Variants in COLEC11 observed in about 807,000 individuals in gnomAD.
The protein encoded by COLEC11 is collectin subfamily member 11, also known as collectin-11.
COLEC11 carries 20 observed loss-of-function variants against 27.3 expected under a neutral mutation model. That is an observed-to-expected ratio of 0.73 (90% CI 0.51 to 1.06). COLEC11 has a LOEUF of 1.06. COLEC11 is among the 50% of genes least tolerant of loss of function. The pLI is 0.00. For missense variants in COLEC11, 310 were observed against 383.0 expected (o/e 0.81, Z 1.59); for synonymous variants, 163 against 154.7 (o/e 1.05, Z -0.40).
intron 2 of COLEC11, 25 bp downstream of exon 2, chr2:3,604,495 T>C (rs369193856): frequency 1.7e-4 from 276 of 1,613,118 alleles, no homozygotes; most frequent in Non-Finnish European, 2.2e-4. Flanking sequence ...GACTCTGGGC[T>C]GCTGGGCAGT....
intron 3 of COLEC11, chr2:3,625,944 G>A: frequency 1.4e-6 from 2 of 1,450,872 alleles, no homozygotes; most frequent in Non-Finnish European, 9.6e-7. Flanking sequence ...ACTTTGCAAA[G>A]TTATTTAACA....
intron 3 of COLEC11, among the ~76,000 whole-genome samples, chr2:3,622,094 G>A (rs778977614): frequency 5.9e-5 from 9 of 151,710 alleles, no homozygotes; most frequent in Non-Finnish European, 1.2e-4. Context: ...GCTTGAACCC[G>A]GGAGGTGGAG....
At chr2:3,632,141 C>G (rs1009218865) in intron 3 of COLEC11, among the ~76,000 whole-genome samples, 1 of 152,228 alleles carries the variant, frequency 6.6e-6, no homozygotes, top group African/African-American at 2.4e-5. Context: ...GACAGGGAAA[C>G]TGAGGCTTAC....
chr2:3,636,386 TGG>T (rs1331321712), intron 3 of COLEC11, among the ~76,000 whole-genome samples: 2 of 151,860 alleles, frequency 1.3e-5, no homozygotes, highest in African/African-American at 4.8e-5. Context: ...ACCCGGGAGG[TGG>T]AGCTTGCAGT....
In COLEC11 at chr2:3,604,554, G is replaced by A. The variant is rs898554330; in HGVS notation, c.130+84G>A. 7.4e-6 allele frequency: 11 copies of A among 1,482,226 alleles called. No homozygotes were observed. The African/African-American group carries it at 1.1e-4, about 15-fold the overall frequency. The allele number at this position is 1,482,226 out of a possible 1,614,324, so 91.8% of individuals were successfully genotyped here. On this transcript the variant is annotated intron_variant, in intron 2 of 6. Coordinates refer to ENST00000349077, the MANE Select transcript of COLEC11 (RefSeq NM_024027.5). Reference sequence around the variant, plus strand: ...TCCCATGCAACTGCGCAGTTCCACGGAAAAGCACAAAGCCCCAGCAAATCT... The same window carrying A: ...TCCCATGCAACTGCGCAGTTCCACGAAAAAGCACAAAGCCCCAGCAAATCT...
At position 3,641,398 on chromosome 2, in the gene COLEC11, C is replaced by T. The variant is rs541628377; in HGVS notation, c.328+1067C>T. On this transcript the variant is annotated intron_variant, in intron 5 of 6. Transcript: ENST00000349077. ...AGGCACTCAGCCAACCTGAGGGGCCCGGACAAAGCCTCTGGGAGACAGAAG... is the reference window on the plus strand; with the variant it reads ...AGGCACTCAGCCAACCTGAGGGGCCTGGACAAAGCCTCTGGGAGACAGAAG... 14 of 1,297,358 alleles carry T rather than the reference C, an allele frequency of 1.1e-5. No homozygotes were observed. The East Asian group carries it at 3.3e-4, about 31-fold the overall frequency. The allele number at this position is 1,297,358 out of a possible 1,614,324, so 80.4% of individuals were successfully genotyped here. A position where few individuals can be genotyped will look rare whatever the true frequency, so the allele number is the denominator to read the frequency against.
intron 5 of COLEC11, among the ~76,000 whole-genome samples, chr2:3,643,203 C>T (rs567362027): frequency 6.6e-6 from 1 of 152,336 alleles, no homozygotes; most frequent in Non-Finnish European, 1.5e-5. Flanking sequence ...ACCTCCATTT[C>T]TCTTCCCCCT....
At chr2:3,610,171 C>G (rs1229158404) in intron 2 of COLEC11, among the ~76,000 whole-genome samples, 1 of 152,214 alleles carries the variant, frequency 6.6e-6, no homozygotes, top group African/African-American at 2.4e-5. Flanking sequence ...GCCAGCACAT[C>G]CCAGCTTGGA....
intron 3 of COLEC11, among the ~76,000 whole-genome samples, chr2:3,615,984 G>A (rs1361813204): frequency 1.3e-5 from 2 of 150,110 alleles, no homozygotes; most frequent in Admixed American, 6.6e-5. Context: ...TGGGTGGAGG[G>A]GCTCCTCACT....
intron 3 of COLEC11, among the ~76,000 whole-genome samples, chr2:3,630,198 G>A (rs1486665762): frequency 6.6e-6 from 1 of 152,134 alleles, no homozygotes; most frequent in Non-Finnish European, 1.5e-5. Context: ...TATGTGTATA[G>A]TATGTATGTG....
At chr2:3,604,525 A>G (rs926130376) in intron 2 of COLEC11, 55 bp downstream of exon 2, 1 of 1,590,906 alleles carries the variant, frequency 6.3e-7, no homozygotes, top group African/African-American at 1.3e-5. Flanking sequence ...GCCAGCTGAG[A>G]GACTCCCATG....
At chr2:3,605,754 A>G in intron 2 of COLEC11, 1 of 237,260 alleles carries the variant, frequency 4.2e-6, no homozygotes, top group Non-Finnish European at 8.3e-6. Context: ...CCCATGATCA[A>G]AACAGTCACC....
intron 1 of COLEC11, among the ~76,000 whole-genome samples, chr2:3,598,165 A>G (rs887971797): frequency 2.0e-5 from 3 of 152,032 alleles, no homozygotes; most frequent in Non-Finnish European, 4.4e-5. Context: ...CGAACTCCTG[A>G]CCTCAGGTGA....
At chr2:3,624,529 A>G (rs914077435) in intron 3 of COLEC11, among the ~76,000 whole-genome samples, 1 of 152,186 alleles carries the variant, frequency 6.6e-6, no homozygotes, top group African/African-American at 2.4e-5. Flanking sequence ...GGGAGCTGGA[A>G]GCTCACTTAC....
At chr2:3,624,612 C>T (rs890582526) in intron 3 of COLEC11, among the ~76,000 whole-genome samples, 8 of 152,184 alleles carry the variant, frequency 5.3e-5, no homozygotes, top group Non-Finnish European at 8.8e-5. Context: ...CTGTGTTGCT[C>T]AGCTCACAGT....
intron 3 of COLEC11, chr2:3,625,940 C>T: frequency 8.4e-6 from 12 of 1,428,226 alleles, no homozygotes; most frequent in South Asian, 1.1e-5. Flanking sequence ...GCAGACTTTG[C>T]AAAGTTATTT....
At chr2:3,608,444 T>C (rs114728018) in intron 2 of COLEC11, among the ~76,000 whole-genome samples, 94 of 152,250 alleles carry the variant, frequency 6.2e-4, no homozygotes, top group African/African-American at 2.2e-3. Flanking sequence ...TGGGGACGTG[T>C]ATAGAAATCC....
At chr2:3,634,772 C>G (rs1665261778) in intron 3 of COLEC11, among the ~76,000 whole-genome samples, 1 of 152,012 alleles carries the variant, frequency 6.6e-6, no homozygotes, top group African/African-American at 2.4e-5. Flanking sequence ...CAGGGCTGGC[C>G]CCCTGACGAT....
chr2:3,638,529 C>T (rs538073241), intron 4 of COLEC11, among the ~76,000 whole-genome samples: 74 of 150,278 alleles, frequency 4.9e-4, no homozygotes, highest in African/African-American at 1.7e-3. Context: ...GCAGGTTGGC[C>T]CAGGTACCAA....
Sources: allele counts gnomAD v4.1 joint callset (sites outside exome capture counted in the v4.1 genomes callset), GRCh38; gene constraint gnomAD v4.1.1; transcripts MANE v1.5; gene names NCBI Gene and HGNC (gene_info 2026-07-23, HGNC 2026-07-21).